Variants in CHEK1 observed in about 807,000 individuals in gnomAD.
CHEK1 encodes the protein serine/threonine-protein kinase Chk1.
CHEK1 carries 32 observed loss-of-function variants against 60.2 expected under a neutral mutation model. That is an observed-to-expected ratio of 0.53 (90% confidence interval 0.40 to 0.71). The LOEUF is 0.71. Ranked by LOEUF, CHEK1 falls within the 30% of genes least tolerant of loss-of-function variation. The pLI, the probability that CHEK1 is intolerant of heterozygous loss-of-function variation, is 0.00. For missense variants in CHEK1, 399 were observed against 564.6 expected, an observed-to-expected ratio of 0.71 and a Z score of 2.97; for synonymous variants, 179 against 187.2, an observed-to-expected ratio of 0.96 and a Z score of 0.36.
Position 125,635,414 on chromosome 11 carries a change from T to G in CHEK1, c.614-15T>G, listed in dbSNP as rs746160332. ...TAAGAACATTTAAAAAAACTGGGAC[T>G]TGCTTTGTTTTTAGAATTGCCATGG... On this transcript the variant is annotated splice_polypyrimidine_tract_variant and intron_variant, in intron 6 of 12. Coordinates refer to ENST00000438015, the MANE Select transcript of CHEK1 (RefSeq NM_001114122.3). 58 of 1,479,302 alleles carry G rather than the reference T, an allele frequency of 3.9e-5. No individual in the cohort carries two copies. Among genetic ancestry groups the G allele is most frequent in the Non-Finnish European group, 5.0e-5 (55 of 1,093,068 alleles). The allele number at this position is 1,479,302 out of a possible 1,614,324, so 91.6% of individuals were successfully genotyped here.
At position 125,674,921 on chromosome 11, in the gene CHEK1, A is replaced by C. The variant is rs549049914; in HGVS notation, c.*28-1007A>C. On this transcript the variant is annotated intron_variant, in intron 13 of 13. Coordinates refer to the CHEK1 transcript ENST00000428830. Reference sequence around the variant, plus strand: ...ATGTCTCTGCTCACCATCCTCAAAAAACTCTTTGCTCTTTTTCCTATTTAC... The same window carrying C: ...ATGTCTCTGCTCACCATCCTCAAAACACTCTTTGCTCTTTTTCCTATTTAC... 2.6e-5 allele frequency among the ~76,000 whole-genome samples: 4 copies of C among 152,238 alleles called. No homozygotes were observed. In the South Asian group the frequency reaches 8.3e-4, roughly 32 times the overall value.
intron 8 of CHEK1, among the ~76,000 whole-genome samples, chr11:125,638,590 C>G (rs904134938): frequency 6.6e-6 from 1 of 152,144 alleles, no homozygotes; most frequent in South Asian, 2.1e-4. Flanking sequence ...GTCCAATTCT[C>G]CCCTGAGGAC....
chr11:125,644,356 T>G, intron 10 of CHEK1, 88 bp downstream of exon 10: 1 of 1,462,766 alleles, frequency 6.8e-7, no homozygotes, highest in Non-Finnish European at 9.2e-7. Context: ...ATCTTAGATA[T>G]ATAACTTTTA....
At chr11:125,648,331 C>T (rs1279043952) in intron 11 of CHEK1, among the ~76,000 whole-genome samples, 1 of 151,828 alleles carries the variant, frequency 6.6e-6, no homozygotes, top group Non-Finnish European at 1.5e-5. Flanking sequence ...GCCTGTAATC[C>T]CAGCACTTTG....
At chr11:125,626,376 G>A in intron 1 of CHEK1, 1 of 436,724 alleles carries the variant, frequency 2.3e-6, no homozygotes, top group Non-Finnish European at 4.1e-6. Context: ...GGCGTTTTCT[G>A]CCCCATACCG....
rs541927437 is a variant in CHEK1, at chr11:125,653,041, C to T, written c.1234-705C>T. The stretch of plus-strand genomic sequence containing the variant: ...GAAATTAACAGTTTTTTTGTTTCCA[C>T]ATATGAGTGAGAACATGTGATGTTT... On this transcript the variant is annotated intron_variant, in intron 11 of 12. Transcript: ENST00000438015. The surrounding 1 kb of genome is among the most constrained non-coding windows in gnomAD (Gnocchi z 4.3). Among the ~76,000 whole-genome samples the T allele has an allele frequency of 6.6e-6, 1 of 152,252 alleles. No homozygotes were observed. The highest frequency in any genetic ancestry group is 1.5e-5 in the Non-Finnish European group (1 of 68,016).
intron 13 of CHEK1, among the ~76,000 whole-genome samples, chr11:125,668,749 G>A (rs1394691775): frequency 1.3e-5 from 2 of 152,018 alleles, no homozygotes; most frequent in African/African-American, 4.8e-5. Context: ...TAGAGAGGGG[G>A]TCTTGCTGTG....
In CHEK1 at chr11:125,653,367, A is replaced by T. The variant is rs1476933323; in HGVS notation, c.1234-379A>T. On this transcript the variant is annotated intron_variant, in intron 11 of 12. Coordinates refer to ENST00000438015, the MANE Select transcript of CHEK1 (RefSeq NM_001114122.3). The surrounding 1 kb of genome is among the most constrained non-coding windows in gnomAD (Gnocchi z 4.3). ...GTAGCTGGGCCTGTAGGCATGCACC[A>T]CCATGCCCGCTAATTTTTTGGGAAT... is the stretch of plus-strand genomic sequence containing the variant. Among the ~76,000 whole-genome samples the T allele has an allele frequency of 6.6e-6, 1 of 152,068 alleles. No individual in the cohort carries two copies. The highest frequency in any genetic ancestry group is 1.5e-5 in the Non-Finnish European group (1 of 68,030).
chr11:125,674,698 C>T (rs962237613), intron 13 of CHEK1, among the ~76,000 whole-genome samples: 1 of 152,204 alleles, frequency 6.6e-6, no homozygotes, highest in African/African-American at 2.4e-5. Flanking sequence ...GGGCTACTGG[C>T]TCTGCCTTTT....
chr11:125,666,217 GA>G (rs1942096952), intron 13 of CHEK1, among the ~76,000 whole-genome samples: 1 of 150,788 alleles, frequency 6.6e-6, no homozygotes. Flanking sequence ...TTTGTTTTAA[GA>G]AATTTTTAAT....
intron 13 of CHEK1, among the ~76,000 whole-genome samples, chr11:125,674,717 C>G (rs1457279818): frequency 1.3e-5 from 2 of 152,200 alleles, no homozygotes; most frequent in African/African-American, 4.8e-5. Context: ...TTCCTAGTAA[C>G]AGGTCTTTAG....
At chr11:125,676,230 G>GA in exon 14 of CHEK1, 1 of 1,270,268 alleles carries the variant, frequency 7.9e-7, no homozygotes, top group Non-Finnish European at 1.1e-6. Flanking sequence ...CTTAGTCCTT[G>GA]AAAAAATAAA....
chr11:125,667,712 C>G (rs1391896678), intron 13 of CHEK1, among the ~76,000 whole-genome samples: 1 of 152,154 alleles, frequency 6.6e-6, no homozygotes, highest in Non-Finnish European at 1.5e-5. Flanking sequence ...CCTCTGCCTC[C>G]TGGGTTCAAG....
At chr11:125,665,869 CTTTTTTTTT>C (rs66560397) in intron 13 of CHEK1, among the ~76,000 whole-genome samples, 1 of 30,530 alleles carries the variant, frequency 3.3e-5, no homozygotes, top group South Asian at 1.4e-3. Context: ...CTTCATTCCC[CTTTTTTTTT>C]TTTTTTTTTT....
intron 11 of CHEK1, among the ~76,000 whole-genome samples, chr11:125,647,743 A>AT (rs1350952745): frequency 6.6e-6 from 1 of 152,210 alleles, no homozygotes; most frequent in Non-Finnish European, 1.5e-5. Context: ...TGAAACATGA[A>AT]TAATTTTATT....
At chr11:125,657,264 A>G (rs907231662), downstream of CHEK1, 2 of 113,910 alleles carry the variant, frequency 1.8e-5, no homozygotes, top group African/African-American at 6.1e-5. Flanking sequence ...TAATTATATA[A>G]AAATATGTGT....
At chr11:125,644,371 A>C in intron 10 of CHEK1, 103 bp downstream of exon 10, 1 of 1,455,388 alleles carries the variant, frequency 6.9e-7, no homozygotes, top group Non-Finnish European at 9.3e-7. Flanking sequence ...CTTTTAAATC[A>C]CATGTATTCT....
At chr11:125,674,467 T>G (rs1052375369) in intron 13 of CHEK1, among the ~76,000 whole-genome samples, 1 of 152,200 alleles carries the variant, frequency 6.6e-6, no homozygotes, top group Non-Finnish European at 1.5e-5. Context: ...ATGAAACTGT[T>G]CAGGAAGTGG....
At chr11:125,637,707 A>G (rs1941130089) in intron 8 of CHEK1, among the ~76,000 whole-genome samples, 163 bp downstream of exon 8, 1 of 152,194 alleles carries the variant, frequency 6.6e-6, no homozygotes, top group Non-Finnish European at 1.5e-5. Flanking sequence ...GTTTATTAAT[A>G]ATTATAAAGG....
Sources: allele counts gnomAD v4.1 joint callset (sites outside exome capture counted in the v4.1 genomes callset), GRCh38; gene constraint gnomAD v4.1.1; non-coding constraint Gnocchi (gnomAD v3.1); transcripts MANE v1.5; gene names NCBI Gene and HGNC (gene_info 2026-07-23, HGNC 2026-07-21).